LDB2: variants seen among roughly 807,000 people sequenced by gnomAD.
LDB2 encodes the protein LIM domain binding 2.
Under a neutral mutation model 44.3 loss-of-function variants are expected in LDB2, and 12 were observed. That is an observed-to-expected ratio of 0.27 (90% CI 0.17 to 0.44). The LOEUF (loss-of-function observed/expected upper bound fraction) is 0.44. Ranked by LOEUF, LDB2 falls within the 20% of genes least tolerant of loss-of-function variation. The pLI, the probability that LDB2 is intolerant of heterozygous loss-of-function variation, is 1.00. For missense variants in LDB2, 344 were observed against 473.5 expected (o/e 0.73, Z 2.54); for synonymous variants, 164 against 174.8 (o/e 0.94, Z 0.49).
intron 1 of LDB2, among the ~76,000 whole-genome samples, chr4:16,811,303 TTCACCCAAAATACCAAGCAGATACC>T (rs1247675289): frequency 6.6e-6 from 1 of 152,212 alleles, no homozygotes; most frequent in East Asian, 1.9e-4. Flanking sequence ...CCATGGTTAA[TTCACCCAAAATACCAAGCAGATACC>T]TCACTTAGTA....
intron 2 of LDB2, among the ~76,000 whole-genome samples, chr4:16,638,349 C>G (rs954304099): frequency 6.6e-6 from 1 of 152,130 alleles, no homozygotes; most frequent in Non-Finnish European, 1.5e-5. Context: ...TACAAATGAG[C>G]GTTCACCGTT....
intron 1 of LDB2, among the ~76,000 whole-genome samples, chr4:16,812,629 A>ATGTGTGTGTGTG (rs1177533777): frequency 2.4e-4 from 8 of 33,988 alleles, no homozygotes; most frequent in Admixed American, 4.9e-4. Flanking sequence ...TGTATTAAAT[A>ATGTGTGTGTGTG]TATGTGTGTG....
chr4:16,805,440 A>C (rs947718243), intron 1 of LDB2, among the ~76,000 whole-genome samples: 1 of 152,232 alleles, frequency 6.6e-6, no homozygotes, highest in Non-Finnish European at 1.5e-5. Context: ...CACAGCACAC[A>C]CATCCACTTT....
chr4:16,818,077 G>C (rs1185357692), intron 1 of LDB2, among the ~76,000 whole-genome samples: 1 of 152,144 alleles, frequency 6.6e-6, no homozygotes, highest in Non-Finnish European at 1.5e-5. Flanking sequence ...GGAGGAGGGT[G>C]GCTGGGCTGA....
Position 16,794,567 on chromosome 4 carries a change from C to T in LDB2, c.133-35307G>A, listed in dbSNP as rs552314132. Among the ~76,000 whole-genome samples the T allele has an allele frequency of 2.6e-5, 4 of 152,258 alleles. No individual in the cohort carries two copies. In the South Asian group the frequency reaches 8.3e-4, roughly 32 times the overall value. ...GTGTGACTTTGGGTCTGTTACTCAC[C>T]TTCTCTGTACCTCAATCTCTTCATT... On this transcript the variant is annotated intron_variant, in intron 1 of 7. Transcript: ENST00000304523.
chr4:16,694,797 T>C (rs1008964287), intron 2 of LDB2, among the ~76,000 whole-genome samples: 8 of 152,076 alleles, frequency 5.3e-5, no homozygotes, highest in African/African-American at 1.9e-4. Context: ...CCTTCCAGAG[T>C]TGTGGAGAGG....
chr4:16,898,522 T>A lies in LDB2; in HGVS notation c.-37A>T. Reference sequence around the variant, plus strand: ...TTCGAAAATCAAGCTAAACAGAGTATCAGTAACGTCCATGCAGAGCACATG... The same window carrying A: ...TTCGAAAATCAAGCTAAACAGAGTAACAGTAACGTCCATGCAGAGCACATG... On this transcript the variant is annotated 5_prime_UTR_variant, in exon 1 of 8. Coordinates refer to ENST00000304523, the MANE Select transcript of LDB2 (RefSeq NM_001290.5). The A allele has an allele frequency of 6.2e-7, 1 of 1,610,046 alleles. No homozygotes were observed. Among genetic ancestry groups the A allele is most frequent in the Non-Finnish European group, 8.5e-7 (1 of 1,177,832 alleles).
chr4:16,808,280 A>G (rs760185944), intron 1 of LDB2, among the ~76,000 whole-genome samples: 3 of 152,104 alleles, frequency 2.0e-5, no homozygotes, highest in African/African-American at 7.2e-5. Flanking sequence ...TCCCCAAGAG[A>G]GTGATAGATA....
At chr4:16,667,002 C>T (rs138778153) in intron 2 of LDB2, among the ~76,000 whole-genome samples, 2 of 152,312 alleles carry the variant, frequency 1.3e-5, no homozygotes, top group East Asian at 3.9e-4. Context: ...CTCCTGAACA[C>T]TGTGTCTATC....
intron 5 of LDB2, among the ~76,000 whole-genome samples, chr4:16,551,810 C>T (rs1277238142): frequency 6.6e-6 from 1 of 152,164 alleles, no homozygotes; most frequent in Non-Finnish European, 1.5e-5. Flanking sequence ...AGCCGCCGCA[C>T]CCGACCAACT....
intron 2 of LDB2, among the ~76,000 whole-genome samples, chr4:16,654,690 T>A (rs1374539848): frequency 1.3e-5 from 2 of 152,144 alleles, no homozygotes; most frequent in Non-Finnish European, 1.5e-5. Context: ...TGTTTCCAAG[T>A]GGACACATTG....
intron 2 of LDB2, among the ~76,000 whole-genome samples, chr4:16,598,687 G>T (rs1721723941): frequency 6.6e-6 from 1 of 152,056 alleles, no homozygotes; most frequent in African/African-American, 2.4e-5. Flanking sequence ...AAGAAAGAGG[G>T]AAGTTTTGCC....
At chr4:16,719,913 T>C (rs993896895) in intron 2 of LDB2, among the ~76,000 whole-genome samples, 5 of 152,180 alleles carry the variant, frequency 3.3e-5, no homozygotes, top group South Asian at 4.1e-4. Flanking sequence ...TGAAATCTAA[T>C]GACACTAAAC....
intron 5 of LDB2, among the ~76,000 whole-genome samples, chr4:16,536,141 C>CACTA (rs1158816840): frequency 6.6e-6 from 1 of 152,186 alleles, no homozygotes; most frequent in African/African-American, 2.4e-5. Flanking sequence ...TCTCCCCAGT[C>CACTA]ACTAACTTTG....
intron 7 of LDB2, among the ~76,000 whole-genome samples, chr4:16,503,852 GGAGGCCACAGCTGGA>G (rs951398821): frequency 6.6e-6 from 1 of 152,148 alleles, no homozygotes; most frequent in Non-Finnish European, 1.5e-5. Flanking sequence ...GGGAGCATGG[GGAGGCCACAGCTGGA>G]GAGGCCAGGG....
At chr4:16,592,850 C>T (rs1719611151) in intron 3 of LDB2, among the ~76,000 whole-genome samples, 1 of 152,080 alleles carries the variant, frequency 6.6e-6, no homozygotes, top group Admixed American at 6.5e-5. Context: ...GAAAGTGTTC[C>T]TCCCAGAATC....
At chr4:16,624,768 A>T (rs1331402958) in intron 2 of LDB2, among the ~76,000 whole-genome samples, 1 of 152,228 alleles carries the variant, frequency 6.6e-6, no homozygotes, top group Admixed American at 6.5e-5. Context: ...TCCACATTAT[A>T]AATGAGCAAT....
intron 1 of LDB2, among the ~76,000 whole-genome samples, chr4:16,777,881 C>T (rs190247063): frequency 6.6e-6 from 1 of 152,262 alleles, no homozygotes; most frequent in African/African-American, 2.4e-5. Flanking sequence ...TATTAGCTAT[C>T]ACTTTCTTTT....
intron 1 of LDB2, among the ~76,000 whole-genome samples, chr4:16,845,941 C>T (rs994565121): frequency 6.6e-6 from 1 of 151,962 alleles, no homozygotes; most frequent in Non-Finnish European, 1.5e-5. Flanking sequence ...AACCCCATCT[C>T]TACCAAAAAT....
Sources: gnomAD v4.1 joint callset for allele counts (sites outside exome capture counted in the v4.1 genomes callset) on GRCh38, gnomAD v4.1.1 for gene constraint, MANE v1.5 for transcripts, NCBI Gene and HGNC (gene_info 2026-07-23, HGNC 2026-07-21) for gene names.